ABCC11: variants seen among roughly 807,000 people sequenced by gnomAD.
The protein encoded by ABCC11 is ATP binding cassette subfamily C member 11, also known as ATP-binding cassette sub-family C member 11.
A neutral mutation model predicts 149.3 loss-of-function variants in ABCC11; 135 were observed. The ratio of observed to expected loss-of-function variants is 0.90; its 90% confidence interval spans 0.79 to 1.04. The LOEUF is 1.04. Ranked by LOEUF, ABCC11 falls within the 50% of genes least tolerant of loss-of-function variation. The pLI, the probability that ABCC11 is intolerant of heterozygous loss-of-function variation, is 0.00. For synonymous variants in ABCC11, 665 were observed against 671.4 expected (o/e 0.99, Z 0.15); for missense variants, 1,680 against 1,722.1 (o/e 0.98, Z 0.43).
chr16:48,193,286 C>G (rs535482424), intron 19 of ABCC11, among the ~76,000 whole-genome samples: 3 of 152,260 alleles, frequency 2.0e-5, no homozygotes, highest in Admixed American at 6.5e-5. Flanking sequence ...CTCTCCTGAC[C>G]CAAACCTCCT....
intron 1 of ABCC11, among the ~76,000 whole-genome samples, chr16:48,243,190 A>T (rs1971085213): frequency 6.6e-6 from 1 of 151,726 alleles, no homozygotes; most frequent in Admixed American, 6.6e-5. Context: ...TCACGAGGTC[A>T]GGAGATTGAG....
At chr16:48,230,698 C>G in intron 2 of ABCC11, 125 bp from the exon 3 acceptor site, 1 of 1,135,126 alleles carries the variant, frequency 8.8e-7, no homozygotes, top group Non-Finnish European at 1.2e-6. Context: ...AGAAAGGCTT[C>G]CATACCGAGA....
intron 1 of ABCC11, among the ~76,000 whole-genome samples, chr16:48,246,172 G>T (rs1971375300): frequency 6.6e-6 from 1 of 151,818 alleles, no homozygotes; most frequent in Admixed American, 6.6e-5. Context: ...TTCCACAGCA[G>T]CCCAGTATTC....
intron 1 of ABCC11, chr16:48,244,718 C>T (rs1163977091): frequency 7.9e-6 from 7 of 888,088 alleles, no homozygotes; most frequent in Non-Finnish European, 1.1e-5. Flanking sequence ...AGGCTCAGTT[C>T]GGGGCGGCCT....
In ABCC11 at chr16:48,192,448, T is replaced by A. The variant is rs1030015040; in HGVS notation, c.2706+72A>T. 10 of 1,515,148 alleles carry A rather than the reference T, an allele frequency of 6.6e-6. No homozygotes were observed. In the South Asian group the frequency reaches 9.7e-5, roughly 15 times the overall value. The allele number at this position is 1,515,148 out of a possible 1,614,324, so 93.9% of individuals were successfully genotyped here. A position where few individuals can be genotyped will look rare whatever the true frequency, so the allele number is the denominator to read the frequency against. On this transcript the variant is annotated intron_variant, in intron 20 of 29. Coordinates refer to ENST00000356608, the MANE Select transcript of ABCC11 (RefSeq NM_001370497.1). Reference sequence around the variant, plus strand: ...TACAGAGCTCTAAAAAATAAAAAAATAAAAAAATAAAAATGAAGCTGGGCA... The same window carrying A: ...TACAGAGCTCTAAAAAATAAAAAAAAAAAAAAATAAAAATGAAGCTGGGCA...
chr16:48,222,459 C>A, intron 6 of ABCC11, 139 bp downstream of exon 6: 3 of 719,342 alleles, frequency 4.2e-6, no homozygotes, highest in Non-Finnish European at 6.9e-6. Flanking sequence ...GTTATCCACA[C>A]TCAACCTAGG....
At chr16:48,203,424 G>C (rs1968171730) in intron 13 of ABCC11, 124 bp from the exon 14 acceptor site, 1 of 767,322 alleles carries the variant, frequency 1.3e-6, no homozygotes, top group African/African-American at 1.8e-5. Context: ...GTGTTTAATG[G>C]TATAACACTG....
chr16:48,205,570 T>A, intron 12 of ABCC11, 33 bp from the exon 13 acceptor site: 2 of 1,610,616 alleles, frequency 1.2e-6, no homozygotes, highest in Non-Finnish European at 1.7e-6. Flanking sequence ...TCAGGACCAA[T>A]TGGGCCAAGG....
chr16:48,171,451 C>A (rs1382485663), intron 26 of ABCC11, among the ~76,000 whole-genome samples: 1 of 152,194 alleles, frequency 6.6e-6, no homozygotes, highest in East Asian at 1.9e-4. Context: ...CAAGGCAATG[C>A]TAGGGGAAAA....
chr16:48,187,204 T>C lies in ABCC11; in HGVS notation c.2930A>G (p.Tyr977Cys), dbSNP rs1966801265. Residue 977 changes from tyrosine (Y) to cysteine (C), a missense_variant, in exon 21 of 30, where the codon TAT becomes TGT. Tyr to Cys is a radical substitution (Grantham distance 194, BLOSUM62 -2). Coordinates refer to ENST00000356608, the MANE Select transcript of ABCC11 (RefSeq NM_001370497.1). ...CAAGCAAAAAGAACCTACTCACATA[T>C]AATAAATGAAGCAAATAACCATGAT... is the stretch of plus-strand genomic sequence containing the variant. Reference protein sequence around the residue: ...AIIMVICFIYYMMFKKAIGVF... With the variant: ...AIIMVICFIYCMMFKKAIGVF... 5.6e-6 allele frequency: 9 copies of C among 1,613,964 alleles called. No homozygotes were observed. The highest frequency in any genetic ancestry group is 7.6e-6 in the Non-Finnish European group (9 of 1,179,978).
At chr16:48,217,565 C>T (rs957649622) in intron 6 of ABCC11, among the ~76,000 whole-genome samples, 1 of 152,212 alleles carries the variant, frequency 6.6e-6, no homozygotes, top group African/African-American at 2.4e-5. Flanking sequence ...CACTGCACTT[C>T]AGCCTGAGCA....
chr16:48,242,163 A>G (rs1297034648), intron 1 of ABCC11, among the ~76,000 whole-genome samples: 1 of 152,246 alleles, frequency 6.6e-6, no homozygotes, highest in Non-Finnish European at 1.5e-5. Context: ...AAGGGCTAAT[A>G]TCCAGAATCT....
intron 22 of ABCC11, among the ~76,000 whole-genome samples, chr16:48,186,417 T>A (rs1485088469): frequency 6.6e-6 from 1 of 152,244 alleles, no homozygotes; most frequent in Non-Finnish European, 1.5e-5. Context: ...GACTATGAAC[T>A]TCTTGTAGGT....
chr16:48,221,509 C>CT (rs1969735733), intron 6 of ABCC11, among the ~76,000 whole-genome samples: 1 of 151,842 alleles, frequency 6.6e-6, no homozygotes, highest in Non-Finnish European at 1.5e-5. Context: ...GAAAGGATTC[C>CT]TTTTTTGCAG....
chr16:48,172,933 T>A (rs1178576059), intron 26 of ABCC11, among the ~76,000 whole-genome samples: 2 of 152,242 alleles, frequency 1.3e-5, no homozygotes, highest in African/African-American at 4.8e-5. Flanking sequence ...TGCAGCCATG[T>A]AGCCCTGAGT....
chr16:48,230,240 T>C (rs547587532), intron 3 of ABCC11, among the ~76,000 whole-genome samples, 197 bp downstream of exon 3: 3 of 152,382 alleles, frequency 2.0e-5, no homozygotes, highest in East Asian at 3.9e-4. Flanking sequence ...AGGTGCTCAA[T>C]GATCCTTTCT....
At chr16:48,246,471 T>C (rs940304376) in intron 1 of ABCC11, among the ~76,000 whole-genome samples, 1 of 152,252 alleles carries the variant, frequency 6.6e-6, no homozygotes, top group East Asian at 1.9e-4. Context: ...TGATTAGCCA[T>C]GGGCACATTG....
In ABCC11 at chr16:48,198,254, T is replaced by C; in HGVS notation, c.2104A>G (p.Ile702Val). 6.2e-7 allele frequency: 1 copy of C among 1,614,236 alleles called. No homozygotes were observed. The highest frequency in any genetic ancestry group is 1.1e-5 in the South Asian group (1 of 91,084). The change falls in exon 16 of 30, where the codon ATC (isoleucine) becomes GTC (valine). Residue 702 changes from isoleucine (I) to valine (V), a missense_variant. Coordinates refer to ENST00000356608, the MANE Select transcript of ABCC11 (RefSeq NM_001370497.1). ...ATTTTCCCATTTTCCAACAAAATGA[T>C]CTGGCCACAAAATTCTAAGTACTGG... ...QLQYLEFCGQ[I>V]ILLENGKICE... is the part of the protein sequence containing the mutation.
intron 13 of ABCC11, among the ~76,000 whole-genome samples, chr16:48,203,958 G>T (rs1482741318): frequency 1.3e-5 from 2 of 152,222 alleles, no homozygotes; most frequent in African/African-American, 4.8e-5. Context: ...GGTACTGCAT[G>T]TATAGGTTAT....
Sources: allele counts gnomAD v4.1 joint callset (sites outside exome capture counted in the v4.1 genomes callset), GRCh38; gene constraint gnomAD v4.1.1; transcripts MANE v1.5; gene names NCBI Gene and HGNC (gene_info 2026-07-23, HGNC 2026-07-21).